The following NXPE1 variants were observed in gnomAD, a reference collection of about 807,000 sequenced individuals.
NXPE1 encodes the protein NXPE family member 1.
Under a neutral mutation model 33.3 loss-of-function variants are expected in NXPE1, and 31 were observed. That is an observed-to-expected ratio of 0.93 (90% CI 0.70 to 1.26). The LOEUF (loss-of-function observed/expected upper bound fraction) is 1.26, where lower values mean the gene tolerates loss of function less well. NXPE1 is among the 50% of genes most tolerant of loss of function. The pLI, the probability that NXPE1 is intolerant of heterozygous loss-of-function variation, is 0.00. For missense variants in NXPE1, 661 were observed against 655.6 expected, an observed-to-expected ratio of 1.01 and a Z score of -0.09; for synonymous variants, 229 against 231.4, an observed-to-expected ratio of 0.99 and a Z score of 0.09.
At chr11:114,555,814 T>C (rs1235827911) in intron 1 of NXPE1, among the ~76,000 whole-genome samples, 1 of 152,258 alleles carries the variant, frequency 6.6e-6, no homozygotes, top group Non-Finnish European at 1.5e-5. Flanking sequence ...CTTGGACTTA[T>C]GATTATGTTT....
At chr11:114,533,112 C>T (rs1003987963) in intron 5 of NXPE1, among the ~76,000 whole-genome samples, 12 of 152,046 alleles carry the variant, frequency 7.9e-5, no homozygotes, top group Admixed American at 2.0e-4. Context: ...AAACAAAAAT[C>T]CAAGGTATGA....
At chr11:114,542,114 T>C (rs889119932) in intron 5 of NXPE1, among the ~76,000 whole-genome samples, 2 of 152,168 alleles carry the variant, frequency 1.3e-5, no homozygotes, top group Admixed American at 6.5e-5. Context: ...GATTATTATA[T>C]CTGCTTTGTA....
intron 5 of NXPE1, among the ~76,000 whole-genome samples, chr11:114,540,975 G>A (rs55938488): frequency 0.012 from 1,724 of 144,872 alleles, 13 homozygotes; most frequent in Non-Finnish European, 0.019. Flanking sequence ...AGGTCATGCC[G>A]CAATTTCTGA....
chr11:114,530,294 G>C, exon 6 of NXPE1: 4 of 1,614,220 alleles, frequency 2.5e-6, no homozygotes, highest in Non-Finnish European at 3.4e-6. Flanking sequence ...AGGCTTCTTG[G>C]TCTCTGTCAT....
chr11:114,537,840 AAAATGG>A (rs1947898446), intron 5 of NXPE1, among the ~76,000 whole-genome samples: 1 of 151,992 alleles, frequency 6.6e-6, no homozygotes, highest in African/African-American at 2.4e-5. Flanking sequence ...CAGTATCATG[AAAATGG>A]CCATACTGCC....
rs1042383769 is a variant in NXPE1 at position 114,551,124 on chromosome 11, T to A, written c.78A>T (p.Ile26=). 19 of 1,528,228 alleles carry A rather than the reference T, an allele frequency of 1.2e-5. No homozygotes were observed. In the African/African-American group the frequency reaches 1.8e-4, roughly 14 times the overall value. The allele number at this position is 1,528,228 out of a possible 1,614,324, so 94.7% of individuals were successfully genotyped here. Residue 26 remains isoleucine, a synonymous_variant, in exon 5 of 9, where the codon ATA becomes ATT. Transcript: ENST00000534921. Reference sequence around the variant, plus strand: ...CTACCTTTGTGAAGTTCTGAGAAATTATAAAAATCATCCAGGTTACTACTG... The same window carrying A: ...CTACCTTTGTGAAGTTCTGAGAAATAATAAAAATCATCCAGGTTACTACTG...
intron 5 of NXPE1, among the ~76,000 whole-genome samples, chr11:114,545,892 T>C (rs1382899072): frequency 2.6e-5 from 4 of 152,058 alleles, no homozygotes; most frequent in African/African-American, 9.7e-5. Context: ...AATGTCACCA[T>C]GTTGGCCAGG....
At chr11:114,559,372 C>T (rs1948725900) in intron 1 of NXPE1, among the ~76,000 whole-genome samples, 1 of 152,154 alleles carries the variant, frequency 6.6e-6, no homozygotes, top group Non-Finnish European at 1.5e-5. Flanking sequence ...ATACATTTTC[C>T]ACCCAAACAA....
chr11:114,558,144 A>G (rs548756), intron 1 of NXPE1, among the ~76,000 whole-genome samples: 55,048 of 151,508 alleles, frequency 0.36, 10,212 homozygotes, highest in East Asian at 0.66. Context: ...ATTTTGGGAA[A>G]CATAAATTTT....
At chr11:114,522,839 C>T in intron 8 of NXPE1, 40 bp downstream of exon 8, 1 of 1,465,746 alleles carries the variant, frequency 6.8e-7, no homozygotes. Flanking sequence ...TACTTTAAAA[C>T]CAGCCTGAAT....
At chr11:114,535,736 C>T (rs990970596) in intron 5 of NXPE1, among the ~76,000 whole-genome samples, 19 of 152,240 alleles carry the variant, frequency 1.2e-4, no homozygotes, top group South Asian at 1.0e-3. Context: ...AACTAGCTAT[C>T]CTAAATATAT....
chr11:114,537,727 A>T (rs11215043), intron 5 of NXPE1, among the ~76,000 whole-genome samples: 33,905 of 151,418 alleles, frequency 0.22, 5,272 homozygotes, highest in African/African-American at 0.44. Flanking sequence ...CTTACAAGGG[A>T]TGTGAAGGAC....
At chr11:114,554,247 A>G (rs1948597788) in intron 1 of NXPE1, 4 of 971,296 alleles carry the variant, frequency 4.1e-6, no homozygotes, top group Non-Finnish European at 3.7e-6. Context: ...CCTGGCCTCT[A>G]TTGTATTTGA....
rs1162676459 is a variant in NXPE1, at chr11:114,531,000, T to A, written c.100-92A>T. On this transcript the variant is annotated intron_variant, in intron 5 of 8. Transcript: ENST00000534921. ...TTTGAATATTTGTTTACAGTGAATA[T>A]TTGTATAATTGAATTCAATTTGTTA... The A allele has an allele frequency of 8.5e-6, 11 of 1,293,634 alleles. No homozygotes were observed. In the East Asian group the frequency reaches 2.5e-4, roughly 30 times the overall value. The allele number at this position is 1,293,634 out of a possible 1,614,324, so 80.1% of individuals were successfully genotyped here.
intron 1 of NXPE1, among the ~76,000 whole-genome samples, chr11:114,556,405 T>G (rs1369866199): frequency 6.6e-6 from 1 of 152,114 alleles, no homozygotes; most frequent in Non-Finnish European, 1.5e-5. Flanking sequence ...CAGGGATCAG[T>G]CAAAGATTTG....
chr11:114,546,992 G>C (rs2135086086), intron 5 of NXPE1, among the ~76,000 whole-genome samples: 1 of 152,262 alleles, frequency 6.6e-6, no homozygotes, highest in South Asian at 2.1e-4. Context: ...ATATGTAAGG[G>C]ATAATAGACA....
intron 5 of NXPE1, among the ~76,000 whole-genome samples, chr11:114,541,805 C>A (rs927491596): frequency 6.6e-6 from 1 of 152,184 alleles, no homozygotes; most frequent in South Asian, 2.1e-4. Flanking sequence ...CAGAAAGAAC[C>A]AAACAAATTT....
In NXPE1 at chr11:114,551,382, C is replaced by T; in HGVS notation, c.-11+1G>A. ...CTCATACCCCCAATCCCTTTGTCTA[C>T]CTATTGGATACTTCTTGTCGAGGTT... On this transcript the variant is annotated splice_donor_variant, in intron 4 of 8. Coordinates refer to ENST00000534921, the Ensembl canonical transcript of NXPE1. LOFTEE classifies it low-confidence loss of function (5UTR_SPLICE). 1.5e-6 allele frequency: 2 copies of T among 1,378,536 alleles called. No homozygotes were observed. Among genetic ancestry groups the T allele is most frequent in the Non-Finnish European group, 1.9e-6 (2 of 1,070,448 alleles). 85.4% of individuals were successfully genotyped at this position (1,378,536 alleles called of 1,614,324 possible). A position where few individuals can be genotyped will look rare whatever the true frequency, so the allele number is the denominator to read the frequency against.
intron 5 of NXPE1, among the ~76,000 whole-genome samples, chr11:114,534,069 T>A (rs1365613537): frequency 6.6e-6 from 1 of 152,138 alleles, no homozygotes; most frequent in Non-Finnish European, 1.5e-5. Flanking sequence ...CACTGCCGGG[T>A]ACTCCTCTGA....
Sources: gnomAD v4.1 joint callset for allele counts (sites outside exome capture counted in the v4.1 genomes callset) on GRCh38, gnomAD v4.1.1 for gene constraint, MANE v1.5 for transcripts, NCBI Gene and HGNC (gene_info 2026-07-23, HGNC 2026-07-21) for gene names.